Variants in SHISA9 observed in about 807,000 individuals in gnomAD.
SHISA9 encodes the protein shisa family member 9.
A neutral mutation model predicts 38.0 loss-of-function variants in SHISA9; 13 were observed. The observed-to-expected ratio is 0.34, with a 90% CI of 0.22 to 0.54. The LOEUF (loss-of-function observed/expected upper bound fraction) is 0.54, where lower values mean the gene tolerates loss of function less well. Ranked by LOEUF, SHISA9 falls within the 20% of genes least tolerant of loss-of-function variation. SHISA9 has a pLI of 0.91. For missense variants in SHISA9, 538 were observed against 575.8 expected (o/e 0.93, Z 0.67); for synonymous variants, 275 against 242.0 (o/e 1.14, Z -1.27).
At chr16:13,010,381 C>G (rs1239561271) in intron 2 of SHISA9, among the ~76,000 whole-genome samples, 1 of 152,156 alleles carries the variant, frequency 6.6e-6, no homozygotes, top group Non-Finnish European at 1.5e-5. Flanking sequence ...TGTACTTAAA[C>G]CAACAGTATC....
the SHISA9 span, among the ~76,000 whole-genome samples, chr16:13,290,471 C>T: frequency 6.6e-6 from 1 of 152,044 alleles, no homozygotes; most frequent in African/African-American, 2.4e-5. Context: ...AACAGACCTT[C>T]TGCACTAGGG....
chr16:12,990,498 G>A (rs1255791202), intron 2 of SHISA9, among the ~76,000 whole-genome samples: 5 of 152,200 alleles, frequency 3.3e-5, no homozygotes, highest in Non-Finnish European at 5.9e-5. Context: ...GTATCTCACT[G>A]TGGTTTTGAT....
chr16:13,294,128 A>G, the SHISA9 span, among the ~76,000 whole-genome samples: 1 of 152,228 alleles, frequency 6.6e-6, no homozygotes, highest in African/African-American at 2.4e-5. Flanking sequence ...CATATGCAAT[A>G]TCCTGCTTGG....
At chr16:12,964,340 A>G (rs2071950546) in intron 2 of SHISA9, among the ~76,000 whole-genome samples, 1 of 152,138 alleles carries the variant, frequency 6.6e-6, no homozygotes, top group Admixed American at 6.6e-5. Context: ...GAGGTGTACA[A>G]ACCACAGGGG....
chr16:13,029,567 C>T lies in SHISA9; in HGVS notation c.691+112752C>T, dbSNP rs1031575164. Among the ~76,000 whole-genome samples the T allele has an allele frequency of 2.6e-5, 4 of 152,314 alleles. No individual in the cohort carries two copies. In the East Asian group the frequency reaches 5.8e-4, roughly 22 times the overall value. ...AAGCTGCAGTGAGCCGAGATTGTGC[C>T]ACTGCACTCCAGCCTGGGCGACAGA... On this transcript the variant is annotated intron_variant, in intron 2 of 4. Coordinates refer to ENST00000558583, the MANE Select transcript of SHISA9 (RefSeq NM_001145204.3).
intron 2 of SHISA9, among the ~76,000 whole-genome samples, chr16:13,105,151 C>T (rs528705334): frequency 5.3e-5 from 8 of 152,298 alleles, no homozygotes; most frequent in Admixed American, 5.2e-4. Context: ...AAGTTAATTT[C>T]TGTTATGGTT....
At chr16:13,388,043 A>C in the SHISA9 span, among the ~76,000 whole-genome samples, 5 of 152,104 alleles carry the variant, frequency 3.3e-5, no homozygotes, top group Non-Finnish European at 4.4e-5. Flanking sequence ...TTCCATGCTC[A>C]TGGGGAGGTC....
chr16:13,114,213 T>C (rs991647084), intron 2 of SHISA9, among the ~76,000 whole-genome samples: 9 of 152,066 alleles, frequency 5.9e-5, no homozygotes, highest in Admixed American at 4.6e-4. Flanking sequence ...ACACCTGTAA[T>C]CCCAGCACTT....
the SHISA9 span, among the ~76,000 whole-genome samples, chr16:13,346,398 A>G: frequency 6.6e-6 from 1 of 152,326 alleles, no homozygotes; most frequent in African/African-American, 2.4e-5. Context: ...CCTGAAGACT[A>G]GGCCAGACTT....
At chr16:13,000,780 A>G (rs1047911433) in intron 2 of SHISA9, among the ~76,000 whole-genome samples, 3 of 152,016 alleles carry the variant, frequency 2.0e-5, no homozygotes, top group Non-Finnish European at 2.9e-5. Context: ...TGACTGATTT[A>G]CCCCCTTGGC....
At chr16:12,956,392 G>A (rs182365810) in intron 2 of SHISA9, among the ~76,000 whole-genome samples, 304 of 152,176 alleles carry the variant, frequency 2.0e-3, no homozygotes, top group Middle Eastern at 6.8e-3. Flanking sequence ...TTGCCTGAAA[G>A]GAAAGAAATA....
At chr16:12,957,808 G>A (rs986844768) in intron 2 of SHISA9, among the ~76,000 whole-genome samples, 14 of 152,182 alleles carry the variant, frequency 9.2e-5, no homozygotes, top group African/African-American at 3.4e-4. Context: ...ATTTCCTAGT[G>A]AGGGCTCTCT....
chr16:13,434,419 G>GTTTTTTTTTTTTTTTTTTTT, the SHISA9 span, among the ~76,000 whole-genome samples: 497 of 64,392 alleles, frequency 7.7e-3, 71 homozygotes, highest in East Asian at 0.016. Flanking sequence ...GACAAGCTAT[G>GTTTTTTTTTTTTTTTTTTTT]TTTTTTTTTT....
chr16:12,945,185 G>T (rs758086903), intron 2 of SHISA9, among the ~76,000 whole-genome samples: 2 of 152,166 alleles, frequency 1.3e-5, no homozygotes, highest in Non-Finnish European at 2.9e-5. Context: ...CCAGGTGTTT[G>T]CAGCTGGCAC....
chr16:13,066,346 T>G (rs2073434722), intron 2 of SHISA9, among the ~76,000 whole-genome samples: 2 of 152,264 alleles, frequency 1.3e-5, no homozygotes. Flanking sequence ...TAGCATCTTT[T>G]ATTTTTTCTT....
intron 2 of SHISA9, among the ~76,000 whole-genome samples, chr16:13,083,706 C>T (rs776203217): frequency 1.3e-5 from 2 of 152,118 alleles, no homozygotes; most frequent in Admixed American, 6.5e-5. Context: ...TGACTATGGG[C>T]TGCCTTGTCT....
At chr16:13,130,075 C>T (rs1471533514) in intron 2 of SHISA9, among the ~76,000 whole-genome samples, 3 of 152,152 alleles carry the variant, frequency 2.0e-5, no homozygotes, top group East Asian at 1.9e-4. Flanking sequence ...AAATTTCTTC[C>T]TCAAGATCTA....
At chr16:13,272,141 C>G in the SHISA9 span, among the ~76,000 whole-genome samples, 1 of 150,922 alleles carries the variant, frequency 6.6e-6, no homozygotes, top group Non-Finnish European at 1.5e-5. Flanking sequence ...GGTTGCATCA[C>G]TTGGTAATGT....
intron 2 of SHISA9, among the ~76,000 whole-genome samples, chr16:12,958,828 C>G (rs2071870501): frequency 6.6e-6 from 1 of 152,118 alleles, no homozygotes; most frequent in African/African-American, 2.4e-5. Flanking sequence ...GCTATTATGG[C>G]AATAATGCTG....
Sources: allele counts gnomAD v4.1 joint callset (sites outside exome capture counted in the v4.1 genomes callset), GRCh38; gene constraint gnomAD v4.1.1; transcripts MANE v1.5; gene names NCBI Gene and HGNC (gene_info 2026-07-23, HGNC 2026-07-21).